SPHKAP: variants seen among roughly 807,000 people sequenced by gnomAD.
The protein encoded by SPHKAP is SPHK1 interactor, AKAP domain containing, also known as A-kinase anchor protein SPHKAP.
In SPHKAP, 67 loss-of-function variants were observed where a neutral mutation model predicts 137.5. The ratio of observed to expected loss-of-function variants is 0.49; its 90% CI spans 0.40 to 0.60. The LOEUF is 0.60. Among genes scored for constraint, SPHKAP ranks in the 20% least tolerant of loss-of-function variants. SPHKAP has a pLI of 0.00. For missense variants in SPHKAP, 2,097 were observed against 2,069.3 expected (o/e 1.01, Z -0.26); for synonymous variants, 813 against 785.3 (o/e 1.04, Z -0.59).
chr2:228,047,163 C>G lies in SPHKAP; in HGVS notation c.247-19620G>C, dbSNP rs550255883. On this transcript the variant is annotated intron_variant, in intron 3 of 11. Transcript: ENST00000392056. ...CACAGAATTTGACAACAAGAAGTTACTTTAAAAATTACCTGGTTCAGGCCA... is the reference window on the plus strand; with the variant it reads ...CACAGAATTTGACAACAAGAAGTTAGTTTAAAAATTACCTGGTTCAGGCCA... Among the ~76,000 whole-genome samples the G allele has an allele frequency of 3.3e-5, 5 of 152,234 alleles. No individual in the cohort carries two copies. The East Asian group carries it at 9.6e-4, about 29-fold the overall frequency.
intron 3 of SPHKAP, among the ~76,000 whole-genome samples, chr2:228,092,589 T>C (rs1697837758): frequency 6.9e-6 from 1 of 144,720 alleles, no homozygotes; most frequent in African/African-American, 2.5e-5. Flanking sequence ...ATTATATGTG[T>C]ATATATGTAT....
intron 7 of SPHKAP, among the ~76,000 whole-genome samples, chr2:227,999,256 C>T (rs1334490484): frequency 6.6e-6 from 1 of 152,092 alleles, no homozygotes; most frequent in Non-Finnish European, 1.5e-5. Context: ...ATGCTGCTAA[C>T]ACTTTGTGAA....
intron 1 of SPHKAP, among the ~76,000 whole-genome samples, chr2:228,172,037 G>A (rs201102672): frequency 0.13 from 20,462 of 151,884 alleles, 1,377 homozygotes; most frequent in East Asian, 0.2. Context: ...TGGATTTTGT[G>A]AAAAAATCTT....
rs1416208025 is a variant in SPHKAP, at chr2:228,019,716, G to C, written c.1138C>G (p.Pro380Ala). The C allele has an allele frequency of 6.2e-7, 1 of 1,614,192 alleles. No individual in the cohort carries two copies. The highest frequency in any genetic ancestry group is 8.5e-7 in the Non-Finnish European group (1 of 1,180,024). The change falls in exon 7 of 12, where the codon CCT (proline) becomes GCT (alanine). Residue 380 changes from proline to alanine, a missense_variant. By Grantham distance (27) the Pro-to-Ala change is conservative. Transcript: ENST00000392056. ...DHEDTRNALPPRQDGEVTTGK... is the reference protein window; with the variant it reads ...DHEDTRNALPARQDGEVTTGK... ...GTGGTGACTTCTCCATCTTGTCTAG[G>C]AGGGAGAGCGTTTCTTGTGTCTTCA...
chr2:228,112,198 C>A (rs989451219), intron 2 of SPHKAP, among the ~76,000 whole-genome samples: 2 of 152,140 alleles, frequency 1.3e-5, no homozygotes, highest in Non-Finnish European at 2.9e-5. Context: ...CTCATTAACT[C>A]TGTGTCATAA....
intron 1 of SPHKAP, among the ~76,000 whole-genome samples, chr2:228,169,088 G>T (rs1453482145): frequency 1.3e-5 from 2 of 152,096 alleles, no homozygotes; most frequent in African/African-American, 2.4e-5. Flanking sequence ...AAAGTTTGAA[G>T]CCAGCAGAGG....
At chr2:228,030,562 AAATT>A (rs1479348166) in intron 3 of SPHKAP, among the ~76,000 whole-genome samples, 1 of 151,140 alleles carries the variant, frequency 6.6e-6, no homozygotes, top group Non-Finnish European at 1.5e-5. Flanking sequence ...AAAAATAAAA[AAATT>A]AAAATATTCT....
chr2:228,165,027 T>C (rs774768345), intron 1 of SPHKAP, among the ~76,000 whole-genome samples: 3 of 152,218 alleles, frequency 2.0e-5, no homozygotes, highest in Non-Finnish European at 4.4e-5. Flanking sequence ...TTATCTGATA[T>C]ACAGTAAAGG....
chr2:228,141,666 G>A (rs1292877613), intron 1 of SPHKAP, among the ~76,000 whole-genome samples: 1 of 151,994 alleles, frequency 6.6e-6, no homozygotes, highest in Non-Finnish European at 1.5e-5. Flanking sequence ...AGAGAACACA[G>A]AATTTAATCA....
chr2:228,056,277 AG>A (rs1387036378), intron 3 of SPHKAP, among the ~76,000 whole-genome samples: 1 of 152,218 alleles, frequency 6.6e-6, no homozygotes, highest in East Asian at 1.9e-4. Flanking sequence ...CACCTATCAA[AG>A]TCATGGCACC....
At chr2:228,140,649 A>G (rs1458270468) in intron 1 of SPHKAP, among the ~76,000 whole-genome samples, 1 of 152,144 alleles carries the variant, frequency 6.6e-6, no homozygotes, top group African/African-American at 2.4e-5. Flanking sequence ...ATGTTGAATT[A>G]TAATCCCCAG....
chr2:227,998,786 C>T (rs1693733343), intron 7 of SPHKAP, among the ~76,000 whole-genome samples: 1 of 152,184 alleles, frequency 6.6e-6, no homozygotes, highest in East Asian at 1.9e-4. Context: ...GTTGCAGACA[C>T]ACTTGGGAAG....
chr2:228,030,557 T>C (rs1035735905), intron 3 of SPHKAP, among the ~76,000 whole-genome samples: 1 of 83,372 alleles, frequency 1.2e-5, no homozygotes, highest in African/African-American at 4.5e-5. Flanking sequence ...AAAAAAAAAA[T>C]AAAAAAATTA....
At chr2:228,049,044 G>C (rs1296260670) in intron 3 of SPHKAP, among the ~76,000 whole-genome samples, 1 of 152,110 alleles carries the variant, frequency 6.6e-6, no homozygotes, top group Non-Finnish European at 1.5e-5. Flanking sequence ...TCCAATCCCA[G>C]CTCTGCTCCT....
intron 7 of SPHKAP, among the ~76,000 whole-genome samples, chr2:228,008,375 C>A (rs1369042367): frequency 4.0e-5 from 6 of 151,478 alleles, no homozygotes; most frequent in African/African-American, 1.5e-4. Flanking sequence ...CAGCTCACTG[C>A]AAACTCTACC....
At chr2:228,141,105 A>C (rs10202992) in intron 1 of SPHKAP, among the ~76,000 whole-genome samples, 10,688 of 152,184 alleles carry the variant, frequency 0.07, 1,166 homozygotes, top group African/African-American at 0.23. Flanking sequence ...TGTGATCTCT[A>C]ACACTCCTTT....
chr2:228,007,077 T>G (rs1694171701), intron 7 of SPHKAP, among the ~76,000 whole-genome samples: 1 of 152,184 alleles, frequency 6.6e-6, no homozygotes, highest in South Asian at 2.1e-4. Flanking sequence ...CAGTTGGAAA[T>G]GCAGAAATCA....
At chr2:228,092,446 ATATATG>A (rs776505123) in intron 3 of SPHKAP, among the ~76,000 whole-genome samples, 10,507 of 34,562 alleles carry the variant, frequency 0.3, 1,342 homozygotes, top group African/African-American at 0.33. Flanking sequence ...TATGTGCCAT[ATATATG>A]TATACATATA....
intron 3 of SPHKAP, among the ~76,000 whole-genome samples, chr2:228,030,467 A>G (rs184716612): frequency 7.3e-4 from 108 of 147,530 alleles, no homozygotes; most frequent in Middle Eastern, 3.5e-3. Context: ...GTGAGCCAAG[A>G]TAACGCCACT....
Sources: allele counts gnomAD v4.1 joint callset (sites outside exome capture counted in the v4.1 genomes callset), GRCh38; gene constraint gnomAD v4.1.1; transcripts MANE v1.5; gene names NCBI Gene and HGNC (gene_info 2026-07-23, HGNC 2026-07-21).